Variants in DAB1 observed in about 807,000 individuals in gnomAD.
The protein encoded by DAB1 is DAB adaptor protein 1, also known as disabled homolog 1.
DAB1 carries 15 observed loss-of-function variants against 64.6 expected under a neutral mutation model. That is an observed-to-expected ratio of 0.23 (90% CI 0.16 to 0.36). DAB1 has a LOEUF of 0.36. Ranked by LOEUF, DAB1 falls within the 10% of genes least tolerant of loss-of-function variation. The pLI is 1.00. For synonymous variants in DAB1, 235 were observed against 251.9 expected (o/e 0.93, Z 0.64); for missense variants, 596 against 706.7 (o/e 0.84, Z 1.78).
chr1:57,430,171 T>TTC (rs112392005), intron 7 of DAB1, among the ~76,000 whole-genome samples: 18,330 of 152,190 alleles, frequency 0.12, 1,169 homozygotes, highest in Middle Eastern at 0.15. Flanking sequence ...TCATCAACAT[T>TTC]TCAGTTTTCA....
At chr1:58,380,700 A>T (rs1272986799) in intron 3 of DAB1, among the ~76,000 whole-genome samples, 4 of 152,224 alleles carry the variant, frequency 2.6e-5, no homozygotes, top group African/African-American at 9.6e-5. Flanking sequence ...TCTAAGAGGA[A>T]AACATCTCAG....
chr1:58,238,718 G>C lies in DAB1; in HGVS notation n.310-88130C>G, dbSNP rs1049976446. Among the ~76,000 whole-genome samples, 4 of 152,064 alleles carry C rather than the reference G, an allele frequency of 2.6e-5. No individual in the cohort carries two copies. The South Asian group carries it at 8.3e-4, about 32-fold the overall frequency. Reference sequence around the variant, plus strand: ...GGTACTTCCAGCCTCTCTCTTCAAAGAAAAAGGATCCATTTATATTTTAGG... The same window carrying C: ...GGTACTTCCAGCCTCTCTCTTCAAACAAAAAGGATCCATTTATATTTTAGG... On this transcript the variant is annotated intron_variant and non_coding_transcript_variant, in intron 4 of 20. Coordinates refer to the DAB1 transcript ENST00000485760.
At chr1:57,172,365 A>T (rs983196941) in intron 2 of DAB1, among the ~76,000 whole-genome samples, 1 of 152,204 alleles carries the variant, frequency 6.6e-6, no homozygotes, top group Admixed American at 6.5e-5. Context: ...TCTACAAAAC[A>T]ATTCCATAAG....
intron 6 of DAB1, among the ~76,000 whole-genome samples, chr1:57,747,807 CAAAAAAAAAAA>C (rs373640023): frequency 1.4e-4 from 6 of 43,974 alleles, no homozygotes; most frequent in Non-Finnish European, 1.8e-4. Context: ...GGACTCTGTC[CAAAAAAAAAAA>C]AAAAAAAAAA....
At chr1:58,405,887 C>T (rs1210481043) in intron 3 of DAB1, among the ~76,000 whole-genome samples, 1 of 152,092 alleles carries the variant, frequency 6.6e-6, no homozygotes, top group Non-Finnish European at 1.5e-5. Flanking sequence ...ATTTGCTTTG[C>T]TCTAGGATGC....
chr1:58,313,043 A>G (rs1662466181), intron 4 of DAB1, among the ~76,000 whole-genome samples: 1 of 152,130 alleles, frequency 6.6e-6, no homozygotes, highest in African/African-American at 2.4e-5. Context: ...TTGTGATCCC[A>G]GACCCCAGCA....
chr1:57,140,177 T>C (rs983637346), intron 3 of DAB1, among the ~76,000 whole-genome samples: 12 of 152,160 alleles, frequency 7.9e-5, no homozygotes, highest in African/African-American at 2.9e-4. Flanking sequence ...TGTTATGGAC[T>C]CTGTGCCTGA....
chr1:57,142,109 T>A (rs1055727517), intron 3 of DAB1, among the ~76,000 whole-genome samples: 1 of 152,156 alleles, frequency 6.6e-6, no homozygotes. Flanking sequence ...CAACAAATGA[T>A]GATGATGATC....
rs112948019 is a variant in DAB1, at chr1:57,713,723, G to A, written n.552-64058C>T. ...TCAGGCCACCAGAGTATGGATGTTG[G>A]ACTCAAACCAACTTGGATCAGAGTA... is the stretch of plus-strand genomic sequence containing the variant. On this transcript the variant is annotated intron_variant and non_coding_transcript_variant, in intron 6 of 20. Coordinates refer to the DAB1 transcript ENST00000485760. Among the ~76,000 whole-genome samples the A allele has an allele frequency of 6.9e-3, 1,055 of 152,306 alleles. 5 individuals are homozygous for A. The highest frequency in any genetic ancestry group is 0.014 in the Middle Eastern group (4 of 294).
intron 6 of DAB1, among the ~76,000 whole-genome samples, chr1:57,705,294 T>C (rs1452628020): frequency 6.6e-6 from 1 of 152,172 alleles, no homozygotes; most frequent in East Asian, 1.9e-4. Context: ...TTTTTAAAAC[T>C]GTTAATCTTT....
intron 5 of DAB1, chr1:58,084,350 G>C (rs1365820059): frequency 6.6e-6 from 1 of 152,602 alleles, no homozygotes; most frequent in African/African-American, 2.4e-5. Flanking sequence ...TTTCTCTTCT[G>C]CTGGGCCTGT....
chr1:57,858,027 C>A (rs983613801), intron 1 of DAB1, among the ~76,000 whole-genome samples: 1 of 151,554 alleles, frequency 6.6e-6, no homozygotes, highest in African/African-American at 2.4e-5. Flanking sequence ...AGAACAAGAT[C>A]AAGATCCTGA....
intron 4 of DAB1, among the ~76,000 whole-genome samples, chr1:58,310,552 C>T (rs149407110): frequency 1.3e-5 from 2 of 152,284 alleles, no homozygotes; most frequent in East Asian, 3.9e-4. Context: ...TAGCTCCTTA[C>T]AACAAATTGT....
intron 4 of DAB1, among the ~76,000 whole-genome samples, chr1:58,205,808 C>T (rs1658242526): frequency 6.6e-6 from 1 of 152,050 alleles, no homozygotes; most frequent in African/African-American, 2.4e-5. Flanking sequence ...AAGGAACAGT[C>T]CTACCCTCAA....
chr1:57,168,664 C>T (rs155290), intron 2 of DAB1, among the ~76,000 whole-genome samples: 1,648 of 152,248 alleles, frequency 0.011, 29 homozygotes, highest in African/African-American at 0.038. Flanking sequence ...TCCCCAAATG[C>T]GATTTTTCCC....
intron 4 of DAB1, among the ~76,000 whole-genome samples, chr1:57,135,282 G>T (rs1470723075): frequency 6.6e-6 from 1 of 152,010 alleles, no homozygotes; most frequent in Non-Finnish European, 1.5e-5. Context: ...CTAGCCTCTG[G>T]CAATCACCAT....
intron 5 of DAB1, among the ~76,000 whole-genome samples, chr1:58,031,134 T>C (rs567835822): frequency 6.6e-6 from 1 of 152,258 alleles, no homozygotes; most frequent in South Asian, 2.1e-4. Flanking sequence ...AACTGATACA[T>C]GAGCTAATGA....
At chr1:57,337,930 TTC>T (rs1056614374) in intron 1 of DAB1, among the ~76,000 whole-genome samples, 2 of 149,184 alleles carry the variant, frequency 1.3e-5, no homozygotes, top group African/African-American at 4.9e-5. Context: ...TCCTCCTTTT[TTC>T]TCTCTCTCTT....
At chr1:57,989,750 T>C (rs899285661) in intron 5 of DAB1, among the ~76,000 whole-genome samples, 3 of 152,138 alleles carry the variant, frequency 2.0e-5, no homozygotes, top group Non-Finnish European at 4.4e-5. Context: ...CACCAGGACA[T>C]TGATTTCTTC....
Sources: allele counts gnomAD v4.1 joint callset (sites outside exome capture counted in the v4.1 genomes callset), GRCh38; gene constraint gnomAD v4.1.1; transcripts MANE v1.5; gene names NCBI Gene and HGNC (gene_info 2026-07-23, HGNC 2026-07-21).